ACSM2A: variants seen among roughly 807,000 people sequenced by gnomAD.
ACSM2A encodes the protein acyl-CoA synthetase medium chain family member 2A, also known as acyl-coenzyme A synthetase ACSM2A, mitochondrial.
A neutral mutation model predicts 76.6 loss-of-function variants in ACSM2A; 72 were observed. That is an observed-to-expected ratio of 0.94 (90% confidence interval 0.78 to 1.14). The LOEUF (loss-of-function observed/expected upper bound fraction) is 1.14. Among genes scored for constraint, ACSM2A ranks in the 50% most tolerant of loss-of-function variants. The pLI is 0.00. For missense variants in ACSM2A, 684 were observed against 708.5 expected, an observed-to-expected ratio of 0.97 and a Z score of 0.39; for synonymous variants, 249 against 255.9, an observed-to-expected ratio of 0.97 and a Z score of 0.26.
intron 13 of ACSM2A, 100 bp from the exon 14 acceptor site, chr16:20,486,474 T>A (rs1423086587): frequency 8.1e-6 from 11 of 1,358,852 alleles, no homozygotes; most frequent in Admixed American, 1.8e-5. Context: ...CTGAAGTGGC[T>A]CCAGCCTGAA....
intron 1 of ACSM2A, among the ~76,000 whole-genome samples, chr16:20,455,832 T>A (rs894463430): frequency 6.6e-6 from 1 of 151,430 alleles, no homozygotes; most frequent in Non-Finnish European, 1.5e-5. Flanking sequence ...ACGGCCTAAG[T>A]ACTCCATTTA....
intron 6 of ACSM2A, among the ~76,000 whole-genome samples, chr16:20,474,503 A>T (rs1374968683): frequency 1.3e-5 from 2 of 152,168 alleles, no homozygotes; most frequent in Admixed American, 1.3e-4. Flanking sequence ...TTGACCTTGG[A>T]CTTTCCAGCC....
At chr16:20,463,575 C>T (rs1473528201) in intron 2 of ACSM2A, among the ~76,000 whole-genome samples, 1 of 152,100 alleles carries the variant, frequency 6.6e-6, no homozygotes, top group Non-Finnish European at 1.5e-5. Context: ...GCTCCCCCTT[C>T]ACCTTCTTCC....
chr16:20,486,822 A>C lies in ACSM2A; in HGVS notation c.*144A>C. The C allele has an allele frequency of 1.0e-6, 1 of 979,112 alleles. No individual in the cohort carries two copies. Among genetic ancestry groups the C allele is most frequent in the Non-Finnish European group, 1.5e-6 (1 of 647,976 alleles). The allele number at this position is 979,112 out of a possible 1,614,324, so 60.7% of individuals were successfully genotyped here. A position where few individuals can be genotyped will look rare whatever the true frequency, so the allele number is the denominator to read the frequency against. On this transcript the variant is annotated 3_prime_UTR_variant, in exon 14 of 14. Coordinates refer to ENST00000573854, the MANE Select transcript of ACSM2A (RefSeq NM_001308172.2). ...GTCTTGCCTTGGTTATTAGCACAAAACTTTACCATGTTAGATGTTGAAAGA... is the reference window on the plus strand; with the variant it reads ...GTCTTGCCTTGGTTATTAGCACAAACCTTTACCATGTTAGATGTTGAAAGA...
At chr16:20,466,351 T>A (rs2012996348) in intron 3 of ACSM2A, among the ~76,000 whole-genome samples, 1 of 152,088 alleles carries the variant, frequency 6.6e-6, no homozygotes. Flanking sequence ...TGAGTAGGAT[T>A]TTGCCAAGAG....
intron 10 of ACSM2A, among the ~76,000 whole-genome samples, chr16:20,479,281 A>G (rs1490997287): frequency 6.6e-6 from 1 of 152,204 alleles, no homozygotes; most frequent in Non-Finnish European, 1.5e-5. Flanking sequence ...TGATTAATAA[A>G]CTAAATAAAC....
At chr16:20,464,228 G>C (rs35451113) in intron 2 of ACSM2A, among the ~76,000 whole-genome samples, 1 of 151,998 alleles carries the variant, frequency 6.6e-6, no homozygotes, top group Non-Finnish European at 1.5e-5. Flanking sequence ...CAAACTCTTC[G>C]ATTTCTTCCC....
chr16:20,478,505 G>T, intron 9 of ACSM2A, 71 bp from the exon 10 acceptor site: 1 of 1,544,918 alleles, frequency 6.5e-7, no homozygotes. Flanking sequence ...GACCAATTCA[G>T]CAATCTCATG....
rs1356177727 is a variant in ACSM2A, at chr16:20,487,540, A to G, written c.*862A>G. 6.6e-6 allele frequency: 1 copy of G among 152,372 alleles called. No individual in the cohort carries two copies. The highest frequency in any genetic ancestry group is 1.9e-4 in the East Asian group (1 of 5,186). 9.4% of individuals were successfully genotyped at this position (152,372 alleles called of 1,614,324 possible). A position where few individuals can be genotyped will look rare whatever the true frequency, so the allele number is the denominator to read the frequency against. Reference sequence around the variant, plus strand: ...CCACGTTGTTTCACCTGTGTGTGGCATCTACAGACCTTAGATCATAGCTGT... The same window carrying G: ...CCACGTTGTTTCACCTGTGTGTGGCGTCTACAGACCTTAGATCATAGCTGT... On this transcript the variant is annotated 3_prime_UTR_variant, in exon 14 of 14. Coordinates refer to ENST00000573854, the MANE Select transcript of ACSM2A (RefSeq NM_001308172.2).
Position 20,486,846 on chromosome 16 carries a change from G to C in ACSM2A, c.*168G>C. 1.3e-6 allele frequency: 1 copy of C among 766,588 alleles called. No homozygotes were observed. Among genetic ancestry groups the C allele is most frequent in the Non-Finnish European group, 2.1e-6 (1 of 477,674 alleles). 47.5% of individuals were successfully genotyped at this position (766,588 alleles called of 1,614,324 possible). On this transcript the variant is annotated 3_prime_UTR_variant, in exon 14 of 14. Transcript: ENST00000573854. The stretch of plus-strand genomic sequence containing the variant: ...AACTTTACCATGTTAGATGTTGAAA[G>C]AAGAAAGGGAAGGAATGAGAGAGAG...
chr16:20,486,854 G>A lies in ACSM2A; in HGVS notation c.*176G>A. ...CATGTTAGATGTTGAAAGAAGAAAG[G>A]GAAGGAATGAGAGAGAGTGAAAAGG... On this transcript the variant is annotated 3_prime_UTR_variant, in exon 14 of 14. Transcript: ENST00000573854. 1 of 737,944 alleles carries A rather than the reference G, an allele frequency of 1.4e-6. No homozygotes were observed. The highest frequency in any genetic ancestry group is 2.2e-6 in the Non-Finnish European group (1 of 456,196). The allele number at this position is 737,944 out of a possible 1,614,324, so 45.7% of individuals were successfully genotyped here.
At chr16:20,486,266 G>T (rs956771184) in intron 13 of ACSM2A, among the ~76,000 whole-genome samples, 3 of 152,254 alleles carry the variant, frequency 2.0e-5, no homozygotes, top group African/African-American at 7.2e-5. Context: ...CCAGATGATT[G>T]GTAGAGGAGG....
chr16:20,457,842 A>G (rs1331769157), intron 1 of ACSM2A, among the ~76,000 whole-genome samples: 1 of 151,998 alleles, frequency 6.6e-6, no homozygotes, highest in African/African-American at 2.4e-5. Flanking sequence ...AAAGAAATAA[A>G]TGTCCTCCAA....
At chr16:20,471,051 T>A (rs1289218127) in intron 4 of ACSM2A, 22 bp from the exon 5 acceptor site, 1 of 1,612,176 alleles carries the variant, frequency 6.2e-7, no homozygotes, top group Non-Finnish European at 8.5e-7. Context: ...TCTGAAAAAA[T>A]GACAATCTGT....
intron 5 of ACSM2A, 149 bp from the exon 6 acceptor site, chr16:20,471,387 T>G: frequency 3.4e-6 from 5 of 1,481,444 alleles, no homozygotes; most frequent in Non-Finnish European, 4.5e-6. Context: ...CCCTTCCTAC[T>G]TATACATAGA....
intron 1 of ACSM2A, among the ~76,000 whole-genome samples, chr16:20,456,772 A>C (rs1026539807): frequency 6.7e-6 from 1 of 149,654 alleles, no homozygotes; most frequent in Non-Finnish European, 1.5e-5. Flanking sequence ...TCAAACCCAA[A>C]CCCAGCATAA....
At chr16:20,458,392 A>T (rs2012334644) in intron 1 of ACSM2A, among the ~76,000 whole-genome samples, 1 of 147,048 alleles carries the variant, frequency 6.8e-6, no homozygotes, top group African/African-American at 2.5e-5. Context: ...TTTATGGATA[A>T]CATATCTCCA....
chr16:20,478,357 C>T (rs1280783010), intron 9 of ACSM2A, among the ~76,000 whole-genome samples: 6 of 152,194 alleles, frequency 3.9e-5, no homozygotes, highest in Non-Finnish European at 8.8e-5. Context: ...CCAGGCTCAT[C>T]TGGGCCAGTC....
Position 20,478,659 on chromosome 16 carries a change from C to T in ACSM2A, c.1263C>T (p.Gly421=). The change falls in exon 10 of 14, where the codon GGC becomes GGT. Residue 421 remains glycine (G), a synonymous_variant. Coordinates refer to ENST00000573854, the MANE Select transcript of ACSM2A (RefSeq NM_001308172.2). Reference sequence around the variant, plus strand: ...GGGTCAAACCCATCAGGCCTATAGGCATCTTCTCTGGCTATGTGGTGAGAA... The same window carrying T: ...GGGTCAAACCCATCAGGCCTATAGGTATCTTCTCTGGCTATGTGGTGAGAA... ...GIRVKPIRPI[G]IFSGYVDNPD... The T allele has an allele frequency of 2.5e-6, 4 of 1,613,066 alleles. No homozygotes were observed. Among genetic ancestry groups the T allele is most frequent in the Non-Finnish European group, 3.4e-6 (4 of 1,179,272 alleles).
Sources: allele counts gnomAD v4.1 joint callset (sites outside exome capture counted in the v4.1 genomes callset), GRCh38; gene constraint gnomAD v4.1.1; transcripts MANE v1.5; gene names NCBI Gene and HGNC (gene_info 2026-07-23, HGNC 2026-07-21).